The following DGKB variants were observed in gnomAD, a reference collection of about 807,000 sequenced individuals.
DGKB encodes the protein diacylglycerol kinase beta.
In DGKB, 67 loss-of-function variants were observed where a neutral mutation model predicts 114.3. The ratio of observed to expected loss-of-function variants is 0.59; its 90% confidence interval spans 0.48 to 0.72. DGKB has a LOEUF of 0.72. DGKB is among the 30% of genes least tolerant of loss of function. The pLI is 0.00. For missense variants in DGKB, 907 were observed against 975.2 expected (o/e 0.93, Z 0.93); for synonymous variants, 398 against 323.1 (o/e 1.23, Z -2.49).
Position 14,726,172 on chromosome 7 carries a change from C to A in DGKB, c.323-7487G>T, listed in dbSNP as rs190364482. Among the ~76,000 whole-genome samples the A allele has an allele frequency of 7.9e-5, 12 of 152,084 alleles. No homozygotes were observed. In the East Asian group the frequency reaches 2.3e-3, roughly 29 times the overall value. ...TATTTATTTTTGAGATGGAGTCTCA[C>A]TCTGTCGCCCAGACTGGAGTGCAGT... On this transcript the variant is annotated intron_variant, in intron 5 of 25. Coordinates refer to ENST00000402815, the MANE Select transcript of DGKB (RefSeq NM_001350709.2).
chr7:14,805,400 C>T lies in DGKB; in HGVS notation c.70+35794G>A, dbSNP rs567201352. Among the ~76,000 whole-genome samples the T allele has an allele frequency of 5.3e-5, 8 of 152,126 alleles. No homozygotes were observed. The South Asian group carries it at 1.5e-3, about 28-fold the overall frequency. On this transcript the variant is annotated intron_variant, in intron 2 of 25. Transcript: ENST00000402815. ...CTTTCTTTTTCTCTGTATATACTGT[C>T]CCAAGCAGCAGGCACTTCATTTTTA...
chr7:14,152,421 C>T (rs569098060), intron 25 of DGKB, among the ~76,000 whole-genome samples: 1 of 152,076 alleles, frequency 6.6e-6, no homozygotes, highest in African/African-American at 2.4e-5. Flanking sequence ...GACGGGGCTC[C>T]TAGAAACTGC....
intron 2 of DGKB, among the ~76,000 whole-genome samples, chr7:14,798,029 G>C (rs1359916435): frequency 6.6e-6 from 1 of 152,164 alleles, no homozygotes; most frequent in African/African-American, 2.4e-5. Flanking sequence ...CTGTGAGGCC[G>C]AGTCCACAGT....
At chr7:14,460,228 G>T (rs1348258958) in intron 21 of DGKB, among the ~76,000 whole-genome samples, 1 of 152,068 alleles carries the variant, frequency 6.6e-6, no homozygotes, top group Non-Finnish European at 1.5e-5. Flanking sequence ...ATCATGACAG[G>T]ATCAAATTCA....
At chr7:14,740,089 T>C (rs2128409843) in intron 4 of DGKB, among the ~76,000 whole-genome samples, 1 of 152,366 alleles carries the variant, frequency 6.6e-6, no homozygotes, top group Non-Finnish European at 1.5e-5. Flanking sequence ...TGCAGACAGC[T>C]GGCCAGCGTT....
intron 1 of DGKB, among the ~76,000 whole-genome samples, chr7:14,919,307 T>C (rs1587381098): frequency 6.6e-6 from 1 of 151,774 alleles, no homozygotes; most frequent in South Asian, 2.1e-4. Flanking sequence ...AGCCAAGAAA[T>C]ACACCCACAG....
In DGKB at chr7:14,307,246, A is replaced by C. The variant is rs549547644; in HGVS notation, c.2122+31269T>G. Reference sequence around the variant, plus strand: ...ATAACTGTGATCACTATCTCAAACTATACCTCTTTCTAATTTCTAAAACAA... The same window carrying C: ...ATAACTGTGATCACTATCTCAAACTCTACCTCTTTCTAATTTCTAAAACAA... On this transcript the variant is annotated intron_variant, in intron 23 of 25. Coordinates refer to ENST00000402815, the MANE Select transcript of DGKB (RefSeq NM_001350709.2). Among the ~76,000 whole-genome samples the C allele has an allele frequency of 1.6e-4, 23 of 143,108 alleles. No homozygotes were observed. In the South Asian group the frequency reaches 2.9e-3, roughly 18 times the overall value. 93.9% of individuals were successfully genotyped at this position (143,108 alleles called of 152,430 possible). A position where few individuals can be genotyped will look rare whatever the true frequency, so the allele number is the denominator to read the frequency against.
At position 14,794,837 on chromosome 7, in the gene DGKB, G is replaced by T. The variant is rs544567789; in HGVS notation, c.71-37106C>A. On this transcript the variant is annotated intron_variant, in intron 2 of 25. Coordinates refer to ENST00000402815, the MANE Select transcript of DGKB (RefSeq NM_001350709.2). ...AAGTTCTGATGAGTCTTCATTACCAGTAAAAGAGATCTCCCCAACCTCCAG... is the reference window on the plus strand; with the variant it reads ...AAGTTCTGATGAGTCTTCATTACCATTAAAAGAGATCTCCCCAACCTCCAG... 2.6e-5 allele frequency among the ~76,000 whole-genome samples: 4 copies of T among 152,240 alleles called. No homozygotes were observed. In the East Asian group the frequency reaches 7.7e-4, roughly 29 times the overall value.
At chr7:14,692,266 G>A (rs1010445512) in intron 9 of DGKB, among the ~76,000 whole-genome samples, 4 of 151,870 alleles carry the variant, frequency 2.6e-5, no homozygotes, top group African/African-American at 9.7e-5. Context: ...TCTCACCCTC[G>A]ACTACCAGAT....
At chr7:14,492,992 T>C (rs576933904) in intron 20 of DGKB, among the ~76,000 whole-genome samples, 66 of 152,214 alleles carry the variant, frequency 4.3e-4, no homozygotes, top group African/African-American at 1.5e-3. Flanking sequence ...TACATCTACT[T>C]TGAATGCTTA....
chr7:14,590,998 A>C (rs1435272525), intron 17 of DGKB, among the ~76,000 whole-genome samples: 1 of 152,130 alleles, frequency 6.6e-6, no homozygotes, highest in Non-Finnish European at 1.5e-5. Flanking sequence ...TAGCTAGCGG[A>C]CAATTGGGAG....
intron 21 of DGKB, among the ~76,000 whole-genome samples, chr7:14,429,160 C>A (rs574877137): frequency 2.6e-5 from 4 of 152,136 alleles, no homozygotes; most frequent in African/African-American, 9.6e-5. Context: ...TTTTCATAGA[C>A]TGAATGTTTG....
chr7:14,489,689 G>C (rs988080716), intron 20 of DGKB, among the ~76,000 whole-genome samples: 1 of 152,120 alleles, frequency 6.6e-6, no homozygotes, highest in African/African-American at 2.4e-5. Flanking sequence ...CTGAAGTGGG[G>C]AATGACCAAA....
At chr7:14,925,990 C>T (rs1461180998) in intron 1 of DGKB, among the ~76,000 whole-genome samples, 2 of 152,094 alleles carry the variant, frequency 1.3e-5, no homozygotes, top group Non-Finnish European at 2.9e-5. Flanking sequence ...TGATCTTGAA[C>T]ATTCAGTTTT....
At chr7:14,821,261 T>G (rs1011686842) in intron 2 of DGKB, among the ~76,000 whole-genome samples, 1 of 152,180 alleles carries the variant, frequency 6.6e-6, no homozygotes, top group Non-Finnish European at 1.5e-5. Flanking sequence ...CCATACTTAT[T>G]GAGTGCCTAT....
intron 21 of DGKB, among the ~76,000 whole-genome samples, chr7:14,374,972 C>T (rs1337883832): frequency 1.3e-5 from 2 of 152,212 alleles, no homozygotes; most frequent in Non-Finnish European, 2.9e-5. Flanking sequence ...GTCTATCTTG[C>T]TCATTCTCTA....
chr7:14,454,760 C>T (rs903732093), intron 21 of DGKB, among the ~76,000 whole-genome samples: 2 of 152,000 alleles, frequency 1.3e-5, no homozygotes, highest in Non-Finnish European at 1.5e-5. Flanking sequence ...ATCCTGCATA[C>T]ACTTGAGTCA....
intron 1 of DGKB, among the ~76,000 whole-genome samples, chr7:14,948,105 C>G (rs1785981142): frequency 1.3e-5 from 2 of 151,622 alleles, no homozygotes; most frequent in African/African-American, 4.8e-5. Flanking sequence ...TCAACAAAAG[C>G]AAACAATTTT....
At chr7:14,274,713 G>C (rs968696744) in intron 23 of DGKB, among the ~76,000 whole-genome samples, 35 of 152,200 alleles carry the variant, frequency 2.3e-4, no homozygotes, top group African/African-American at 7.9e-4. Context: ...CTCTCTTGTT[G>C]GTTTGCGTAC....
Sources: allele counts gnomAD v4.1 joint callset (sites outside exome capture counted in the v4.1 genomes callset), GRCh38; gene constraint gnomAD v4.1.1; transcripts MANE v1.5; gene names NCBI Gene and HGNC (gene_info 2026-07-23, HGNC 2026-07-21).